MYOM2: variants seen among roughly 807,000 people sequenced by gnomAD.
The protein encoded by MYOM2 is myomesin-2.
MYOM2 carries 254 observed loss-of-function variants against 187.6 expected under a neutral mutation model. The observed-to-expected ratio is 1.35, with a 90% CI of 1.22 to 1.50. The LOEUF (loss-of-function observed/expected upper bound fraction) is 1.50. Ranked by LOEUF, MYOM2 falls within the 40% of genes most tolerant of loss-of-function variation. MYOM2 has a pLI of 0.00. For synonymous variants in MYOM2, 981 were observed against 753.8 expected, an observed-to-expected ratio of 1.30 and a Z score of -4.94; for missense variants, 2,796 against 1,924.0, an observed-to-expected ratio of 1.45 and a Z score of -8.48.
chr8:2,069,670 C>T (rs1819148474), intron 8 of MYOM2, among the ~76,000 whole-genome samples, 173 bp downstream of exon 8: 1 of 152,054 alleles, frequency 6.6e-6, no homozygotes, highest in South Asian at 2.1e-4. Context: ...TAAGCTCCGC[C>T]TCCCGGGTTC....
At chr8:2,064,751 G>A (rs1370159237) in intron 6 of MYOM2, among the ~76,000 whole-genome samples, 2 of 152,154 alleles carry the variant, frequency 1.3e-5, no homozygotes, top group Admixed American at 6.5e-5. Flanking sequence ...GTGGCCTGGG[G>A]AACACATCTC....
rs145385079 is a variant in MYOM2 at position 2,144,726 on chromosome 8, C to G, written c.4143C>G (p.Asn1381Lys). 4.5e-4 allele frequency: 733 copies of G among 1,613,974 alleles called. 2 individuals carry two copies. Among genetic ancestry groups the G allele is most frequent in the South Asian group, 5.8e-4 (53 of 91,076 alleles). Residue 1381 changes from asparagine (N) to lysine (K), a missense_variant, in exon 37 of 37, where the codon AAC becomes AAG. Physicochemically the swap from Asn to Lys is moderately conservative, Grantham distance 94. Coordinates refer to ENST00000262113, the MANE Select transcript of MYOM2 (RefSeq NM_003970.4). ...NPDPEVIWFK[N>K]DQDIQLSEHF... is the part of the protein sequence containing the mutation. ...ACCCCGAAGTGATTTGGTTCAAGAACGACCAGGACATCCAGCTCAGCGAGC... is the reference window on the plus strand; with the variant it reads ...ACCCCGAAGTGATTTGGTTCAAGAAGGACCAGGACATCCAGCTCAGCGAGC...
chr8:2,070,671 A>C (rs1819183299), intron 8 of MYOM2, among the ~76,000 whole-genome samples: 1 of 152,252 alleles, frequency 6.6e-6, no homozygotes, highest in Non-Finnish European at 1.5e-5. Flanking sequence ...TGGCGCAGTT[A>C]CAGCATAGAT....
intron 27 of MYOM2, among the ~76,000 whole-genome samples, 167 bp from the exon 28 acceptor site, chr8:2,117,718 C>G (rs1311446938): frequency 1.3e-5 from 2 of 151,910 alleles, no homozygotes; most frequent in East Asian, 1.9e-4. Flanking sequence ...TCCTCCACAG[C>G]TATTGTGTTC....
At chr8:2,088,968 C>T (rs1034343174) in intron 14 of MYOM2, among the ~76,000 whole-genome samples, 2 of 152,014 alleles carry the variant, frequency 1.3e-5, no homozygotes, top group Non-Finnish European at 1.5e-5. Flanking sequence ...CGCTTGGGGT[C>T]GCAAGGGCCT....
chr8:2,138,846 A>G (rs1296891706), intron 32 of MYOM2, among the ~76,000 whole-genome samples: 2 of 152,124 alleles, frequency 1.3e-5, no homozygotes, highest in Admixed American at 1.3e-4. Flanking sequence ...CAATCCCACA[A>G]AACCATCCCT....
chr8:2,112,573 G>A (rs1266645366), intron 25 of MYOM2, among the ~76,000 whole-genome samples: 1 of 152,072 alleles, frequency 6.6e-6, no homozygotes, highest in Non-Finnish European at 1.5e-5. Flanking sequence ...TAGGAGTGGG[G>A]TCAGAAGATA....
intron 32 of MYOM2, among the ~76,000 whole-genome samples, chr8:2,136,938 T>C (rs1170061047): frequency 6.6e-6 from 1 of 152,136 alleles, no homozygotes; most frequent in Non-Finnish European, 1.5e-5. Flanking sequence ...GAATTTCACC[T>C]GTTGGACAAA....
At chr8:2,074,558 G>C (rs1416049485) in intron 10 of MYOM2, among the ~76,000 whole-genome samples, 1 of 152,058 alleles carries the variant, frequency 6.6e-6, no homozygotes, top group Non-Finnish European at 1.5e-5. Context: ...GGGTTCAAGC[G>C]ATTCTCCTGC....
At chr8:2,055,501 G>C (rs1420952327) in intron 3 of MYOM2, among the ~76,000 whole-genome samples, 1 of 152,182 alleles carries the variant, frequency 6.6e-6, no homozygotes, top group Non-Finnish European at 1.5e-5. Context: ...GGGAAAGGCT[G>C]TGTGTGTGGT....
intron 15 of MYOM2, among the ~76,000 whole-genome samples, 159 bp from the exon 16 acceptor site, chr8:2,092,187 G>C (rs1395715558): frequency 6.6e-6 from 1 of 151,768 alleles, no homozygotes; most frequent in Non-Finnish European, 1.5e-5. Context: ...CGGGTGGTCG[G>C]CCCGGGGCTC....
chr8:2,050,092 G>T (rs183027653), intron 1 of MYOM2, among the ~76,000 whole-genome samples: 12 of 152,182 alleles, frequency 7.9e-5, no homozygotes, highest in African/African-American at 2.9e-4. Flanking sequence ...GAGACTGCCC[G>T]TTCCCCAGGC....
chr8:2,079,867 T>G (rs1312035412), intron 13 of MYOM2, among the ~76,000 whole-genome samples: 4 of 152,214 alleles, frequency 2.6e-5, no homozygotes, highest in Non-Finnish European at 5.9e-5. Flanking sequence ...CATTTGGGGT[T>G]TACAAAGGCG....
At chr8:2,134,005 C>T (rs112789616) in intron 32 of MYOM2, among the ~76,000 whole-genome samples, 5,089 of 150,440 alleles carry the variant, frequency 0.034, 655 homozygotes, top group African/African-American at 0.12. Flanking sequence ...CTGAGGTTAA[C>T]GCCTTGTGTA....
In MYOM2 at chr8:2,072,332, C is replaced by T. The variant is rs754530627; in HGVS notation, c.794-13C>T. Reference sequence around the variant, plus strand: ...GCCCTTCGGCCCTGAAAGCCTCCATCGTTTCTGTGCAGTGCCCCTGTCATC... The same window carrying T: ...GCCCTTCGGCCCTGAAAGCCTCCATTGTTTCTGTGCAGTGCCCCTGTCATC... On this transcript the variant is annotated splice_polypyrimidine_tract_variant and intron_variant, in intron 8 of 36. Transcript: ENST00000262113. 5.6e-6 allele frequency: 9 copies of T among 1,612,090 alleles called. No homozygotes were observed. The highest frequency in any genetic ancestry group is 1.7e-5 in the Admixed American group (1 of 59,824).
intron 24 of MYOM2, 82 bp downstream of exon 24, chr8:2,108,912 G>A: frequency 1.5e-6 from 2 of 1,377,822 alleles, no homozygotes; most frequent in Non-Finnish European, 2.0e-6. Flanking sequence ...GCTCTTGGAA[G>A]AACAGCTTTG....
chr8:2,073,267 G>T, intron 9 of MYOM2, 72 bp from the exon 10 acceptor site: 2 of 1,516,054 alleles, frequency 1.3e-6, no homozygotes, highest in Non-Finnish European at 1.8e-6. Flanking sequence ...AGACGACGCT[G>T]GTGTCCCCGA....
intron 32 of MYOM2, among the ~76,000 whole-genome samples, chr8:2,139,830 C>A (rs7832925): frequency 0.016 from 2,444 of 152,234 alleles, 47 homozygotes; most frequent in East Asian, 0.045. Flanking sequence ...AACAGTTTGG[C>A]CTTATATGTT....
intron 12 of MYOM2, 30 bp from the exon 13 acceptor site, chr8:2,079,530 C>G (rs764711907): frequency 2.5e-6 from 4 of 1,612,730 alleles, no homozygotes; most frequent in Non-Finnish European, 3.4e-6. Context: ...CTTCGCATGT[C>G]AAATCGAGTG....
Sources: gnomAD v4.1 joint callset for allele counts (sites outside exome capture counted in the v4.1 genomes callset) on GRCh38, gnomAD v4.1.1 for gene constraint, MANE v1.5 for transcripts, NCBI Gene and HGNC (gene_info 2026-07-23, HGNC 2026-07-21) for gene names.